CDK19: variants seen among roughly 807,000 people sequenced by gnomAD.
CDK19 encodes the protein cyclin-dependent kinase 19.
CDK19 carries 20 observed loss-of-function variants against 68.3 expected under a neutral mutation model. The ratio of observed to expected loss-of-function variants is 0.29; its 90% CI spans 0.21 to 0.43. The LOEUF (loss-of-function observed/expected upper bound fraction) is 0.43, where lower values mean the gene tolerates loss of function less well. Ranked by LOEUF, CDK19 falls within the 20% of genes least tolerant of loss-of-function variation. The probability of loss-of-function intolerance (pLI) is 1.00; values close to 1 mark genes in which losing one functional copy is unlikely to be tolerated. For synonymous variants in CDK19, 221 were observed against 222.8 expected (o/e 0.99, Z 0.07); for missense variants, 339 against 623.5 (o/e 0.54, Z 4.86).
chr6:110,643,238 A>G, intron 4 of CDK19: 2 of 1,260,680 alleles, frequency 1.6e-6, no homozygotes, highest in South Asian at 2.5e-5. Context: ...GCTAAAAGAC[A>G]CAGGTATTTC....
At chr6:110,814,884 AC>A in intron 1 of CDK19, 124 bp downstream of exon 1, 2 of 1,320,354 alleles carry the variant, frequency 1.5e-6, no homozygotes, top group Non-Finnish European at 1.0e-6. Flanking sequence ...TCCGGACGCA[AC>A]CCCGCGACCC....
chr6:110,684,481 A>AC (rs548781867), intron 2 of CDK19, among the ~76,000 whole-genome samples: 1 of 151,838 alleles, frequency 6.6e-6, no homozygotes, highest in Non-Finnish European at 1.5e-5. Context: ...GGTGAAACTA[A>AC]CCTAAAATTC....
chr6:110,775,850 G>A (rs532191755), intron 1 of CDK19, among the ~76,000 whole-genome samples: 5 of 152,254 alleles, frequency 3.3e-5, no homozygotes, highest in East Asian at 1.9e-4. Context: ...CTGATGACAC[G>A]TCAAGGAAAA....
intron 2 of CDK19, among the ~76,000 whole-genome samples, chr6:110,704,380 C>G (rs749553288): frequency 3.3e-5 from 5 of 151,988 alleles, no homozygotes; most frequent in Non-Finnish European, 7.4e-5. Flanking sequence ...TACTACTTAC[C>G]TTACATTATC....
At chr6:110,811,665 TGAA>T (rs756913837) in intron 1 of CDK19, among the ~76,000 whole-genome samples, 2 of 152,180 alleles carry the variant, frequency 1.3e-5, no homozygotes, top group Non-Finnish European at 2.9e-5. Context: ...TTCTTAATAA[TGAA>T]GAAAATTTAT....
At chr6:110,791,595 C>T (rs547123872) in intron 1 of CDK19, among the ~76,000 whole-genome samples, 1 of 152,118 alleles carries the variant, frequency 6.6e-6, no homozygotes, top group South Asian at 2.1e-4. Context: ...AAAAACATAC[C>T]ACACCATTCA....
At chr6:110,633,882 T>G (rs1162827436) in intron 5 of CDK19, among the ~76,000 whole-genome samples, 1 of 152,198 alleles carries the variant, frequency 6.6e-6, no homozygotes, top group African/African-American at 2.4e-5. Context: ...ATGCCAGTAC[T>G]CAAACAAAAA....
intron 5 of CDK19, among the ~76,000 whole-genome samples, chr6:110,634,023 C>T: frequency 6.6e-6 from 1 of 152,182 alleles, no homozygotes; most frequent in East Asian, 1.9e-4. Flanking sequence ...ACATAATATA[C>T]ATAACAAATG....
intron 8 of CDK19, among the ~76,000 whole-genome samples, chr6:110,624,955 A>G (rs1778993189): frequency 6.6e-6 from 1 of 152,208 alleles, no homozygotes; most frequent in Admixed American, 6.5e-5. Flanking sequence ...TGCCTATCCT[A>G]TAGATTTGCT....
intron 12 of CDK19, among the ~76,000 whole-genome samples, chr6:110,620,489 G>T: frequency 6.6e-6 from 1 of 151,798 alleles, no homozygotes; most frequent in Non-Finnish European, 1.5e-5. Context: ...ATTTCCTATG[G>T]TTATCACAAT....
Position 110,711,825 on chromosome 6 carries a change from G to A in CDK19, c.204+34301C>T, listed in dbSNP as rs936667997. On this transcript the variant is annotated intron_variant, in intron 2 of 12. Coordinates refer to ENST00000368911, the MANE Select transcript of CDK19 (RefSeq NM_015076.5). ...TCTACTAAAAATACAAAAATTAACC[G>A]GGCGTGGTGGCGGGTGCCTGCAGTC... Among the ~76,000 whole-genome samples the A allele has an allele frequency of 5.9e-5, 9 of 152,140 alleles. No individual in the cohort carries two copies. The South Asian group carries it at 6.2e-4, about 10-fold the overall frequency.
intron 8 of CDK19, among the ~76,000 whole-genome samples, chr6:110,626,041 C>T (rs866486657): frequency 5.9e-5 from 9 of 152,302 alleles, no homozygotes; most frequent in East Asian, 5.8e-4. Flanking sequence ...TTCCAGGCCA[C>T]GTGTTCTTCC....
At chr6:110,802,369 T>C (rs1218463330) in intron 1 of CDK19, among the ~76,000 whole-genome samples, 1 of 152,228 alleles carries the variant, frequency 6.6e-6, no homozygotes, top group African/African-American at 2.4e-5. Context: ...AATCATGTCC[T>C]TTGCAGCAAC....
At chr6:110,719,986 AC>A (rs1186186225) in intron 2 of CDK19, among the ~76,000 whole-genome samples, 66 of 41,860 alleles carry the variant, frequency 1.6e-3, no homozygotes, top group Admixed American at 4.1e-3. Context: ...CCCCCCCCCC[AC>A]CCCCCCCCTG....
intron 2 of CDK19, among the ~76,000 whole-genome samples, chr6:110,698,867 T>A (rs187275060): frequency 6.6e-6 from 1 of 151,832 alleles, no homozygotes; most frequent in African/African-American, 2.4e-5. Flanking sequence ...TTTCCGGAGC[T>A]CAGGACTGAC....
Position 110,803,447 on chromosome 6 carries a change from T to C in CDK19, c.128+11562A>G, listed in dbSNP as rs182235811. ...TTTACCATGTGTAACCATTGTTTCA[T>C]AATTTTAATAGCATAAAATTATTTC... On this transcript the variant is annotated intron_variant, in intron 1 of 12. Transcript: ENST00000368911. Among the ~76,000 whole-genome samples the C allele has an allele frequency of 5.2e-3, 792 of 152,338 alleles. 6 individuals carry two copies. Among genetic ancestry groups the C allele is most frequent in the African/African-American group, 0.019 (770 of 41,574 alleles).
chr6:110,635,614 A>T (rs1779721414), intron 5 of CDK19, among the ~76,000 whole-genome samples: 1 of 152,052 alleles, frequency 6.6e-6, no homozygotes, highest in South Asian at 2.1e-4. Flanking sequence ...ATCTCGGCTC[A>T]CTGCAACCTC....
chr6:110,641,401 G>A (rs994888557), intron 4 of CDK19, among the ~76,000 whole-genome samples: 6 of 151,540 alleles, frequency 4.0e-5, no homozygotes, highest in Non-Finnish European at 7.4e-5. Context: ...GTTCAAGACC[G>A]GCCTGGTCAA....
intron 2 of CDK19, among the ~76,000 whole-genome samples, chr6:110,716,177 T>G (rs758119213): frequency 6.6e-6 from 1 of 152,142 alleles, no homozygotes; most frequent in Non-Finnish European, 1.5e-5. Flanking sequence ...TATCTAACAT[T>G]TAACTTTAAA....
Sources: gnomAD v4.1 joint callset for allele counts (sites outside exome capture counted in the v4.1 genomes callset) on GRCh38, gnomAD v4.1.1 for gene constraint, MANE v1.5 for transcripts, NCBI Gene and HGNC (gene_info 2026-07-23, HGNC 2026-07-21) for gene names.